The following CCDC85C variants were observed in gnomAD, a reference collection of about 807,000 sequenced individuals.
CCDC85C encodes coiled-coil domain containing 85C, also known as coiled-coil domain-containing protein 85C.
A neutral mutation model predicts 38.3 loss-of-function variants in CCDC85C; 18 were observed. That is an observed-to-expected ratio of 0.47 (90% confidence interval 0.33 to 0.70). The LOEUF (loss-of-function observed/expected upper bound fraction) is 0.70, where lower values mean the gene tolerates loss of function less well. CCDC85C is among the 30% of genes least tolerant of loss of function. CCDC85C has a pLI of 0.03. For missense variants in CCDC85C, 566 were observed against 621.2 expected (o/e 0.91, Z 0.94); for synonymous variants, 264 against 293.8 (o/e 0.90, Z 1.04).
In CCDC85C at chr14:99,510,203, G is replaced by T. The variant is rs374556013; in HGVS notation, c.*5043C>A. 3 of 1,596,940 alleles carry T rather than the reference G, an allele frequency of 1.9e-6. No homozygotes were observed. Among genetic ancestry groups the T allele is most frequent in the African/African-American group, 2.7e-5 (2 of 74,600 alleles). On this transcript the variant is annotated 3_prime_UTR_variant, in exon 6 of 6. Transcript: ENST00000380243. The stretch of plus-strand genomic sequence containing the variant: ...CTGCCTTAGGTGAGGCTGAGCCGCC[G>T]GGCCCTGTGGATGCCACTGACCTCC...
rs965008049 is a variant in CCDC85C, at chr14:99,501,707, C to T, written c.*13539G>A. ...TTTTGAAAACTAATTACTTAGAGCC[C>T]ATTTGGTTTTGCAAAAATATACTTC... On this transcript the variant is annotated 3_prime_UTR_variant, in exon 6 of 6. Transcript: ENST00000380243. 1 of 361,562 alleles carries T rather than the reference C, an allele frequency of 2.8e-6. No individual in the cohort carries two copies. The highest frequency in any genetic ancestry group is 2.1e-5 in the African/African-American group (1 of 47,230). The allele number at this position is 361,562 out of a possible 1,614,324, so 22.4% of individuals were successfully genotyped here.
At position 99,502,439 on chromosome 14, in the gene CCDC85C, A is replaced by G. The variant is rs1896856119; in HGVS notation, c.*12807T>C. ...ATGTTGAGATGATTCTTCCATGTGT[A>G]CCCTGAGTCCCAAGAATGGATTTTC... On this transcript the variant is annotated 3_prime_UTR_variant, in exon 6 of 6. Coordinates refer to ENST00000380243, the MANE Select transcript of CCDC85C (RefSeq NM_001144995.2). 3.2e-6 allele frequency: 5 copies of G among 1,559,054 alleles called. No individual in the cohort carries two copies. The highest frequency in any genetic ancestry group is 4.3e-6 in the Non-Finnish European group (5 of 1,154,142).
At chr14:99,586,639 C>G (rs1317994632) in intron 1 of CCDC85C, among the ~76,000 whole-genome samples, 2 of 152,198 alleles carry the variant, frequency 1.3e-5, no homozygotes, top group African/African-American at 2.4e-5. Flanking sequence ...ATAAACGCGT[C>G]CATTTTTAGA....
At chr14:99,553,614 C>T (rs1897956194) in intron 1 of CCDC85C, among the ~76,000 whole-genome samples, 1 of 152,170 alleles carries the variant, frequency 6.6e-6, no homozygotes, top group Admixed American at 6.5e-5. Context: ...CCGCCTGCCT[C>T]GGCCTCCCAA....
intron 1 of CCDC85C, among the ~76,000 whole-genome samples, chr14:99,601,795 A>T (rs960242219): frequency 6.6e-6 from 1 of 152,136 alleles, no homozygotes; most frequent in Non-Finnish European, 1.5e-5. Flanking sequence ...ATAGATTGCT[A>T]ATCAGTAACA....
rs1897773989 is a variant in CCDC85C, at chr14:99,544,626, C to T, written c.794-8538G>A. Among the ~76,000 whole-genome samples, 1 of 152,170 alleles carries T rather than the reference C, an allele frequency of 6.6e-6. No individual in the cohort carries two copies. Among genetic ancestry groups the T allele is most frequent in the African/African-American group, 2.4e-5 (1 of 41,426 alleles). ...TCCCCTCTCCCAGAGCAGAAATTCT[C>T]TTCGTGACGCAAGGTGACTTTCAGG... On this transcript the variant is annotated intron_variant, in intron 1 of 5. Transcript: ENST00000380243. This position sits in a 1 kb window ranked among gnomAD's most constrained non-coding sequence, Gnocchi z 5.3.
intron 1 of CCDC85C, among the ~76,000 whole-genome samples, chr14:99,571,343 T>C (rs1044270779): frequency 7.6e-6 from 1 of 131,138 alleles, no homozygotes; most frequent in African/African-American, 2.9e-5. Context: ...ATAGTAGTAG[T>C]AGTAATAATA....
intron 1 of CCDC85C, among the ~76,000 whole-genome samples, chr14:99,551,634 G>C (rs1275868652): frequency 2.0e-5 from 3 of 150,132 alleles, no homozygotes; most frequent in African/African-American, 7.4e-5. Context: ...GTGTGCAGGT[G>C]GGTGAGAGGT....
intron 1 of CCDC85C, among the ~76,000 whole-genome samples, chr14:99,592,296 G>A (rs753117579): frequency 3.3e-5 from 5 of 152,198 alleles, no homozygotes; most frequent in African/African-American, 4.8e-5. Flanking sequence ...CTGAGGGGTC[G>A]TGGGTTAGGC....
intron 2 of CCDC85C, among the ~76,000 whole-genome samples, chr14:99,528,816 A>G (rs1036228938): frequency 5.5e-4 from 83 of 152,020 alleles, no homozygotes; most frequent in Non-Finnish European, 1.2e-3. Flanking sequence ...GTAGGGGGGA[A>G]CAACACACAC....
At chr14:99,602,660 G>C (rs1462333968) in intron 1 of CCDC85C, among the ~76,000 whole-genome samples, 1 of 152,076 alleles carries the variant, frequency 6.6e-6, no homozygotes, top group Non-Finnish European at 1.5e-5. Flanking sequence ...GGTCTCAAGC[G>C]GCTGCCTGTG....
In CCDC85C at chr14:99,510,633, C is replaced by G; in HGVS notation, c.*4613G>C. On this transcript the variant is annotated 3_prime_UTR_variant, in exon 6 of 6. Coordinates refer to ENST00000380243, the MANE Select transcript of CCDC85C (RefSeq NM_001144995.2). ...CCTCCCGCCTACCCACGCAGTCCCC[C>G]CTCATCCTCCTCCAGGGTTGGGCCT... 7.1e-7 allele frequency: 1 copy of G among 1,411,920 alleles called. No individual in the cohort carries two copies. Among genetic ancestry groups the G allele is most frequent in the Non-Finnish European group, 9.2e-7 (1 of 1,085,006 alleles). The allele number at this position is 1,411,920 out of a possible 1,614,324, so 87.5% of individuals were successfully genotyped here.
intron 1 of CCDC85C, among the ~76,000 whole-genome samples, chr14:99,541,535 G>A (rs1473319240): frequency 4.6e-5 from 7 of 152,240 alleles, no homozygotes; most frequent in Non-Finnish European, 8.8e-5. Context: ...GAGAGGGGTA[G>A]AGAAGGGAGG....
intron 1 of CCDC85C, among the ~76,000 whole-genome samples, chr14:99,538,412 A>G (rs912109257): frequency 6.6e-6 from 1 of 152,192 alleles, no homozygotes. Context: ...AATCCTCAGC[A>G]CGGCCACAGG....
Position 99,512,805 on chromosome 14 carries a change from C to T in CCDC85C, c.*2441G>A, listed in dbSNP as rs1897159801. On this transcript the variant is annotated 3_prime_UTR_variant, in exon 6 of 6. Transcript: ENST00000380243. ...GCTAGTGACGGAGCTGGGAGTCACC[C>T]TGAGCTACAGCATGCCCAGATTTCC... 1 of 152,240 alleles carries T rather than the reference C, an allele frequency of 6.6e-6. No individual in the cohort carries two copies. The highest frequency in any genetic ancestry group is 2.4e-5 in the African/African-American group (1 of 41,458). The allele number at this position is 152,240 out of a possible 1,614,324, so 9.4% of individuals were successfully genotyped here.
intron 1 of CCDC85C, among the ~76,000 whole-genome samples, chr14:99,536,665 A>G (rs1897607298): frequency 6.6e-6 from 1 of 152,226 alleles, no homozygotes; most frequent in South Asian, 2.1e-4. Flanking sequence ...CATATGCTGC[A>G]GGTGAGCAGC....
chr14:99,503,854 A>G lies in CCDC85C; in HGVS notation c.*11392T>C, dbSNP rs1896904612. The G allele has an allele frequency of 1.8e-6, 1 of 566,726 alleles. No homozygotes were observed. Among genetic ancestry groups the G allele is most frequent in the South Asian group, 2.3e-5 (1 of 44,156 alleles). The allele number at this position is 566,726 out of a possible 1,614,324, so 35.1% of individuals were successfully genotyped here. On this transcript the variant is annotated 3_prime_UTR_variant, in exon 6 of 6. Coordinates refer to ENST00000380243, the MANE Select transcript of CCDC85C (RefSeq NM_001144995.2). Reference sequence around the variant, plus strand: ...CTCTTACGAAGCTATCAGTACAGAAAACATTACTGGCAATAAAAATGTACT... The same window carrying G: ...CTCTTACGAAGCTATCAGTACAGAAGACATTACTGGCAATAAAAATGTACT...
chr14:99,526,571 A>C (rs1897388860), intron 2 of CCDC85C, among the ~76,000 whole-genome samples: 1 of 152,006 alleles, frequency 6.6e-6, no homozygotes, highest in Non-Finnish European at 1.5e-5. Context: ...CCCCGTCCCC[A>C]AGACCTGGCG....
Position 99,501,491 on chromosome 14 carries a change from C to T in CCDC85C, c.*13755G>A. 1.0e-6 allele frequency: 1 copy of T among 996,302 alleles called. No individual in the cohort carries two copies. Among genetic ancestry groups the T allele is most frequent in the Non-Finnish European group, 1.6e-6 (1 of 638,934 alleles). The allele number at this position is 996,302 out of a possible 1,614,324, so 61.7% of individuals were successfully genotyped here. The stretch of plus-strand genomic sequence containing the variant: ...TTTATGGACCATTTCATCTAAACCC[C>T]TCATTTTGTGTCAGAAGAAACTGAC... On this transcript the variant is annotated 3_prime_UTR_variant, in exon 6 of 6. Transcript: ENST00000380243.
Sources: allele counts gnomAD v4.1 joint callset (sites outside exome capture counted in the v4.1 genomes callset), GRCh38; gene constraint gnomAD v4.1.1; non-coding constraint Gnocchi (gnomAD v3.1); transcripts MANE v1.5; gene names NCBI Gene and HGNC (gene_info 2026-07-23, HGNC 2026-07-21).